Variants in ROBO2 observed in about 807,000 individuals in gnomAD.
ROBO2 encodes the protein roundabout guidance receptor 2, also known as roundabout homolog 2.
ROBO2 carries 53 observed loss-of-function variants against 160.8 expected under a neutral mutation model. The ratio of observed to expected loss-of-function variants is 0.33; its 90% CI spans 0.26 to 0.41. ROBO2 has a LOEUF of 0.41. Among genes scored for constraint, ROBO2 ranks in the 10% least tolerant of loss-of-function variants. The probability of loss-of-function intolerance (pLI) is 1.00; values close to 1 mark genes in which losing one functional copy is unlikely to be tolerated. For missense variants in ROBO2, 1,577 were observed against 1,722.4 expected (o/e 0.92, Z 1.49); for synonymous variants, 664 against 611.7 (o/e 1.09, Z -1.26).
chr3:76,098,916 C>T (rs538573098), intron 2 of ROBO2, among the ~76,000 whole-genome samples: 9 of 152,078 alleles, frequency 5.9e-5, no homozygotes, highest in African/African-American at 2.4e-5. Context: ...TTCTTAGGCA[C>T]GATATGAAAG....
At chr3:77,370,568 T>A (rs760906572) in intron 2 of ROBO2, among the ~76,000 whole-genome samples, 7 of 152,168 alleles carry the variant, frequency 4.6e-5, no homozygotes, top group Non-Finnish European at 7.3e-5. Flanking sequence ...CCAATTTAGA[T>A]CCTGTGGAAG....
chr3:76,334,963 A>G (rs1366402312), intron 2 of ROBO2, among the ~76,000 whole-genome samples: 1 of 152,164 alleles, frequency 6.6e-6, no homozygotes, highest in Non-Finnish European at 1.5e-5. Flanking sequence ...AAACAAGAAC[A>G]TAAAAAATAC....
chr3:77,218,939 T>A (rs562336234), intron 2 of ROBO2, among the ~76,000 whole-genome samples: 33 of 152,224 alleles, frequency 2.2e-4, no homozygotes, highest in Non-Finnish European at 4.6e-4. Context: ...TTTTCTAATA[T>A]CTTTTAGCAG....
Position 76,089,566 on chromosome 3 carries a change from T to C in ROBO2, c.109+151964T>C, listed in dbSNP as rs540446288. Among the ~76,000 whole-genome samples, 22 of 152,178 alleles carry C rather than the reference T, an allele frequency of 1.4e-4. No homozygotes were observed. The South Asian group carries it at 4.6e-3, about 32-fold the overall frequency. On this transcript the variant is annotated intron_variant, in intron 2 of 26. Transcript: ENST00000487694. Reference sequence around the variant, plus strand: ...AATGTAACCCATCACATCAACAGACTGAAGAAGAAAAATTACATGATAATA... The same window carrying C: ...AATGTAACCCATCACATCAACAGACCGAAGAAGAAAAATTACATGATAATA...
At chr3:76,124,446 G>A (rs1171329594) in intron 2 of ROBO2, among the ~76,000 whole-genome samples, 1 of 151,922 alleles carries the variant, frequency 6.6e-6, no homozygotes, top group Non-Finnish European at 1.5e-5. Context: ...ATACATCAGG[G>A]CAAGCTCAAA....
chr3:77,566,732 C>A (rs2093493290), intron 12 of ROBO2, among the ~76,000 whole-genome samples: 1 of 151,914 alleles, frequency 6.6e-6, no homozygotes, highest in South Asian at 2.1e-4. Flanking sequence ...CTGGTTTGTT[C>A]CAATGGAAAG....
intron 2 of ROBO2, among the ~76,000 whole-genome samples, chr3:77,263,760 T>C (rs2058935110): frequency 1.3e-5 from 2 of 152,210 alleles, no homozygotes; most frequent in Admixed American, 1.3e-4. Flanking sequence ...CCTTTGGGTG[T>C]ATACCCAGTA....
chr3:76,200,695 A>G (rs1256858232), intron 2 of ROBO2, among the ~76,000 whole-genome samples: 1 of 152,160 alleles, frequency 6.6e-6, no homozygotes. Context: ...CATACAGACT[A>G]GCACTTTTGG....
At chr3:76,225,290 C>A (rs915304088) in intron 2 of ROBO2, among the ~76,000 whole-genome samples, 1 of 152,098 alleles carries the variant, frequency 6.6e-6, no homozygotes, top group African/African-American at 2.4e-5. Flanking sequence ...AAATTTACAC[C>A]AATGTCAATG....
chr3:77,040,383 T>C, exon 1 of ROBO2: 1 of 1,008,942 alleles, frequency 9.9e-7, no homozygotes, highest in Non-Finnish European at 1.2e-6. Context: ...GGCAAGTTTG[T>C]GGAACACTTT....
intron 21 of ROBO2, among the ~76,000 whole-genome samples, chr3:77,610,830 T>C (rs1309911352): frequency 1.3e-5 from 2 of 151,424 alleles, no homozygotes; most frequent in African/African-American, 4.8e-5. Context: ...CCCATTAGTC[T>C]TCCTTTGGAA....
At chr3:76,653,746 G>C (rs1400250040) in intron 2 of ROBO2, among the ~76,000 whole-genome samples, 3 of 152,058 alleles carry the variant, frequency 2.0e-5, no homozygotes, top group Non-Finnish European at 2.9e-5. Context: ...TGCAATTAAA[G>C]CATTTTATAA....
chr3:77,061,074 G>A (rs979018145), intron 1 of ROBO2, among the ~76,000 whole-genome samples: 2 of 151,956 alleles, frequency 1.3e-5, no homozygotes, highest in Admixed American at 1.3e-4. Context: ...TAGCTGGGAC[G>A]ACAGGTGCAG....
chr3:76,824,318 A>G (rs1321622347), intron 2 of ROBO2, among the ~76,000 whole-genome samples: 2 of 152,170 alleles, frequency 1.3e-5, no homozygotes, highest in African/African-American at 4.8e-5. Flanking sequence ...TACTACCTGG[A>G]ACTACTGACC....
exon 26 of ROBO2, chr3:77,649,337 G>A (rs1177199897): frequency 1.3e-5 from 2 of 152,274 alleles, no homozygotes; most frequent in East Asian, 3.9e-4. Flanking sequence ...AGTTTGTAAT[G>A]TGCTTTGATG....
chr3:77,325,427 A>C (rs1458682608), intron 2 of ROBO2, among the ~76,000 whole-genome samples: 1 of 152,180 alleles, frequency 6.6e-6, no homozygotes, highest in Non-Finnish European at 1.5e-5. Flanking sequence ...ACTCTGCCAC[A>C]CTTTGACTGG....
intron 1 of ROBO2, among the ~76,000 whole-genome samples, chr3:77,063,243 G>C (rs2149784336): frequency 6.6e-6 from 1 of 152,308 alleles, no homozygotes; most frequent in South Asian, 2.1e-4. Flanking sequence ...CCCCTAACCA[G>C]TTACATGAAA....
At chr3:77,458,516 G>T (rs2081922504) in intron 2 of ROBO2, among the ~76,000 whole-genome samples, 1 of 151,858 alleles carries the variant, frequency 6.6e-6, no homozygotes, top group Admixed American at 6.6e-5. Flanking sequence ...TGCCATAGTT[G>T]GTTATACAGA....
intron 2 of ROBO2, among the ~76,000 whole-genome samples, chr3:76,275,288 A>G (rs1262796068): frequency 6.6e-6 from 1 of 152,104 alleles, no homozygotes; most frequent in South Asian, 2.1e-4. Flanking sequence ...TCAGTCTACA[A>G]TTTTTTTTAA....
Sources: allele counts gnomAD v4.1 joint callset (sites outside exome capture counted in the v4.1 genomes callset), GRCh38; gene constraint gnomAD v4.1.1; transcripts MANE v1.5; gene names NCBI Gene and HGNC (gene_info 2026-07-23, HGNC 2026-07-21).